Variants in CNOT4 observed in about 807,000 individuals in gnomAD.
The protein encoded by CNOT4 is CCR4-NOT transcription complex subunit 4.
CNOT4 carries 8 observed loss-of-function variants against 73.8 expected under a neutral mutation model. The observed-to-expected ratio is 0.11, with a 90% CI of 0.06 to 0.20. CNOT4 has a LOEUF of 0.20. Among genes scored for constraint, CNOT4 ranks in the 10% least tolerant of loss-of-function variants. The pLI is 1.00. For missense variants in CNOT4, 564 were observed against 883.4 expected, an observed-to-expected ratio of 0.64 and a Z score of 4.58; for synonymous variants, 293 against 321.1, an observed-to-expected ratio of 0.91 and a Z score of 0.94.
At chr7:135,413,467 T>A in intron 6 of CNOT4, 21 bp downstream of exon 6, 1 of 1,606,624 alleles carries the variant, frequency 6.2e-7, no homozygotes, top group South Asian at 1.1e-5. Flanking sequence ...GCAAAGTTGA[T>A]AATTCACATG....
Position 135,394,507 on chromosome 7 carries a change from T to G in CNOT4, c.1130-92A>C, listed in dbSNP as rs945339118. 8.1e-6 allele frequency: 9 copies of G among 1,114,636 alleles called. No individual in the cohort carries two copies. In the Admixed American group the frequency reaches 9.3e-5, roughly 11 times the overall value. 69.0% of individuals were successfully genotyped at this position (1,114,636 alleles called of 1,614,324 possible). ...ATGCTACTGAAAGTTAAACATGTCA[T>G]TTTACAAATTAAGTAAGTGCAAAAT... On this transcript the variant is annotated intron_variant, in intron 9 of 11. Coordinates refer to ENST00000541284, the MANE Select transcript of CNOT4 (RefSeq NM_001190850.2).
intron 1 of CNOT4, among the ~76,000 whole-genome samples, chr7:135,464,819 A>C (rs1361312356): frequency 6.6e-6 from 1 of 152,028 alleles, no homozygotes; most frequent in African/African-American, 2.4e-5. Context: ...ATTCTCAAGA[A>C]AACTGTTATT....
chr7:135,474,916 T>C (rs761760317), intron 1 of CNOT4, among the ~76,000 whole-genome samples: 18 of 152,282 alleles, frequency 1.2e-4, no homozygotes, highest in Admixed American at 2.6e-4. Context: ...TCCTCTGATC[T>C]AGTAAGTTCA....
intron 10 of CNOT4, among the ~76,000 whole-genome samples, chr7:135,392,778 T>C (rs1044121527): frequency 6.6e-6 from 1 of 152,172 alleles, no homozygotes; most frequent in African/African-American, 2.4e-5. Flanking sequence ...TATATTCTCT[T>C]AACCTAGCTA....
At chr7:135,456,641 T>C (rs180679053) in intron 1 of CNOT4, among the ~76,000 whole-genome samples, 74 of 152,260 alleles carry the variant, frequency 4.9e-4, no homozygotes, top group Middle Eastern at 6.8e-3. Context: ...ATATTACATA[T>C]GCAATCCTCC....
At chr7:135,471,855 A>C (rs1442639867) in intron 1 of CNOT4, among the ~76,000 whole-genome samples, 1 of 152,210 alleles carries the variant, frequency 6.6e-6, no homozygotes, top group Non-Finnish European at 1.5e-5. Flanking sequence ...AGGCATGCTG[A>C]CTAGCTGAAG....
intron 1 of CNOT4, among the ~76,000 whole-genome samples, chr7:135,482,685 A>G (rs1802459817): frequency 6.6e-6 from 1 of 151,760 alleles, no homozygotes; most frequent in Non-Finnish European, 1.5e-5. Context: ...TACCTCTCAT[A>G]AAAGTAGATG....
At chr7:135,461,374 A>G (rs1403720036) in intron 1 of CNOT4, among the ~76,000 whole-genome samples, 2 of 152,184 alleles carry the variant, frequency 1.3e-5, no homozygotes, top group Admixed American at 1.3e-4. Flanking sequence ...AACTACTTTT[A>G]TCAAATATTC....
At chr7:135,412,699 T>C (rs1430244179) in intron 6 of CNOT4, among the ~76,000 whole-genome samples, 1 of 151,992 alleles carries the variant, frequency 6.6e-6, no homozygotes, top group Admixed American at 6.6e-5. Flanking sequence ...TTCTCTAGTT[T>C]GACCTGGAGA....
At position 135,457,402 on chromosome 7, in the gene CNOT4, C is replaced by CAAT. The variant is rs1279890765; in HGVS notation, c.-92-18982_-92-18980dup. Among the ~76,000 whole-genome samples, 5 of 152,096 alleles carry CAAT rather than the reference C, an allele frequency of 3.3e-5. No individual in the cohort carries two copies. In the East Asian group the frequency reaches 9.6e-4, roughly 29 times the overall value. On this transcript the variant is annotated intron_variant, in intron 1 of 11. Coordinates refer to ENST00000541284, the MANE Select transcript of CNOT4 (RefSeq NM_001190850.2). ...CAAAATCTGTATCTGAAAGTAACAC[C>CAAT]AATGCATGCTTTTGTGGAAAGAAGC... is the stretch of plus-strand genomic sequence containing the variant.
intron 10 of CNOT4, among the ~76,000 whole-genome samples, chr7:135,389,446 AAT>A (rs1339185322): frequency 2.0e-5 from 3 of 152,008 alleles, no homozygotes; most frequent in African/African-American, 7.3e-5. Flanking sequence ...AAAATAGTAA[AAT>A]GTTAACAGTA....
At chr7:135,372,289 G>A (rs1426690749) in intron 10 of CNOT4, among the ~76,000 whole-genome samples, 2 of 152,170 alleles carry the variant, frequency 1.3e-5, no homozygotes, top group Non-Finnish European at 2.9e-5. Flanking sequence ...CTAGGAGGAC[G>A]TGACATAATT....
chr7:135,423,928 G>A (rs1798334133), intron 2 of CNOT4, among the ~76,000 whole-genome samples: 1 of 151,892 alleles, frequency 6.6e-6, no homozygotes, highest in Non-Finnish European at 1.5e-5. Context: ...AATTTAGTAT[G>A]ATTTCAGAAG....
At chr7:135,485,138 T>C (rs1345445610) in intron 1 of CNOT4, among the ~76,000 whole-genome samples, 1 of 152,190 alleles carries the variant, frequency 6.6e-6, no homozygotes, top group African/African-American at 2.4e-5. Context: ...AGTGGCACGA[T>C]CTTGGCTCAC....
At chr7:135,508,365 A>T (rs962023900) in intron 1 of CNOT4, among the ~76,000 whole-genome samples, 4 of 152,224 alleles carry the variant, frequency 2.6e-5, no homozygotes, top group African/African-American at 9.6e-5. Flanking sequence ...TCTTGCTTCC[A>T]GTTTTCTGCT....
intron 1 of CNOT4, among the ~76,000 whole-genome samples, chr7:135,487,811 T>C (rs992744383): frequency 1.3e-5 from 2 of 152,148 alleles, no homozygotes; most frequent in East Asian, 3.9e-4. Context: ...CCCAGCACTT[T>C]GGGAGGCCAA....
At chr7:135,501,975 A>G (rs773472749) in intron 1 of CNOT4, among the ~76,000 whole-genome samples, 1 of 152,200 alleles carries the variant, frequency 6.6e-6, no homozygotes, top group East Asian at 1.9e-4. Flanking sequence ...TGATAATGCC[A>G]TAGTAATGGA....
Position 135,363,933 on chromosome 7 carries a change from T to G in CNOT4, c.1761A>C (p.Ala587=). The part of the protein sequence containing the change: ...SSSPSNANHS[A]PTSNTATTDS... ...CGGTGGTGGCAGTGTTGGACGTTGG[T>G]GCACTGTGGTTGGCGTTGGAGGGGG... The change falls in exon 11 of 12, where the codon GCA becomes GCC. Residue 587 remains alanine, a synonymous_variant. Coordinates refer to ENST00000541284, the MANE Select transcript of CNOT4 (RefSeq NM_001190850.2). The surrounding 1 kb of genome is among the most constrained non-coding windows in gnomAD (Gnocchi z 4.3). 6.3e-7 allele frequency: 1 copy of G among 1,598,554 alleles called. No individual in the cohort carries two copies. The highest frequency in any genetic ancestry group is 8.5e-7 in the Non-Finnish European group (1 of 1,179,778).
intron 1 of CNOT4, among the ~76,000 whole-genome samples, chr7:135,503,845 A>G (rs1804165473): frequency 6.6e-6 from 1 of 152,206 alleles, no homozygotes; most frequent in East Asian, 1.9e-4. Context: ...TGTTTATATT[A>G]TACAACTTCA....
Sources: allele counts gnomAD v4.1 joint callset (sites outside exome capture counted in the v4.1 genomes callset), GRCh38; gene constraint gnomAD v4.1.1; non-coding constraint Gnocchi (gnomAD v3.1); transcripts MANE v1.5; gene names NCBI Gene and HGNC (gene_info 2026-07-23, HGNC 2026-07-21).